COL23A1: variants seen among roughly 807,000 people sequenced by gnomAD.
The protein encoded by COL23A1 is collagen alpha-1(XXIII) chain.
In COL23A1, 97 loss-of-function variants were observed where a neutral mutation model predicts 99.3. That is an observed-to-expected ratio of 0.98 (90% CI 0.83 to 1.16). The LOEUF (loss-of-function observed/expected upper bound fraction) is 1.16. COL23A1 is among the 50% of genes most tolerant of loss of function. The pLI, the probability that COL23A1 is intolerant of heterozygous loss-of-function variation, is 0.00. For synonymous variants in COL23A1, 320 were observed against 308.2 expected (o/e 1.04, Z -0.40); for missense variants, 762 against 757.4 (o/e 1.01, Z -0.07).
rs140816227 is a variant in COL23A1 at position 178,576,599 on chromosome 5, G to A, written c.294+13305C>T. On this transcript the variant is annotated intron_variant, in intron 1 of 28. Coordinates refer to ENST00000390654, the MANE Select transcript of COL23A1 (RefSeq NM_173465.4). ...CCGCCCTCCAGGGTTCACCATGCTG[G>A]GCTGGCGCAGAGACCCATCCAGGCG... Among the ~76,000 whole-genome samples, 18 of 152,310 alleles carry A rather than the reference G, an allele frequency of 1.2e-4. No individual in the cohort carries two copies. In the East Asian group the frequency reaches 3.1e-3, roughly 26 times the overall value.
chr5:178,549,001 C>T (rs868196990), intron 2 of COL23A1, among the ~76,000 whole-genome samples: 2 of 152,008 alleles, frequency 1.3e-5, no homozygotes, highest in Middle Eastern at 3.4e-3. Flanking sequence ...CATACAAATA[C>T]TTCTTTTTTT....
intron 2 of COL23A1, among the ~76,000 whole-genome samples, chr5:178,556,667 A>AAAATAAAATT (rs1367642868): frequency 4.0e-4 from 61 of 150,852 alleles, no homozygotes; most frequent in African/African-American, 1.5e-3. Flanking sequence ...AAAATAAAAT[A>AAAATAAAATT]AAAAAGCTGA....
chr5:178,407,651 C>A (rs902366670), intron 2 of COL23A1, among the ~76,000 whole-genome samples: 3 of 152,064 alleles, frequency 2.0e-5, no homozygotes, highest in African/African-American at 7.2e-5. Context: ...GAGGAACCAA[C>A]TGGAAATGTT....
At chr5:178,256,504 T>A in intron 14 of COL23A1, 107 bp from the exon 15 acceptor site, 1 of 1,074,340 alleles carries the variant, frequency 9.3e-7, no homozygotes, top group Non-Finnish European at 1.3e-6. Context: ...AGGGCCCGAG[T>A]GCTGGAACCC....
chr5:178,442,400 T>C (rs1766923038), intron 2 of COL23A1, among the ~76,000 whole-genome samples: 1 of 152,244 alleles, frequency 6.6e-6, no homozygotes, highest in Admixed American at 6.5e-5. Flanking sequence ...ATTTAAAATG[T>C]CATCATTTAA....
At chr5:178,239,598 C>G (rs4045767) in intron 27 of COL23A1, among the ~76,000 whole-genome samples, 8,651 of 68,750 alleles carry the variant, frequency 0.13, 976 homozygotes, top group East Asian at 0.38. Context: ...TGATGTGACA[C>G]TGACTCTGGC....
chr5:178,416,058 C>T (rs1220865616), intron 2 of COL23A1, among the ~76,000 whole-genome samples: 2 of 152,116 alleles, frequency 1.3e-5, no homozygotes, highest in Non-Finnish European at 2.9e-5. Flanking sequence ...ATCAGCTGCC[C>T]CAGTGCCATT....
chr5:178,287,354 TCCCCAGAGTTA>T (rs2127582653), intron 5 of COL23A1, among the ~76,000 whole-genome samples: 1 of 152,308 alleles, frequency 6.6e-6, no homozygotes, highest in East Asian at 1.9e-4. Context: ...AAGTCAATGT[TCCCCAGAGTTA>T]CCACCAAGTC....
At chr5:178,555,033 T>C (rs143680550) in intron 2 of COL23A1, among the ~76,000 whole-genome samples, 1 of 152,058 alleles carries the variant, frequency 6.6e-6, no homozygotes, top group African/African-American at 2.4e-5. Context: ...TACCACAGAC[T>C]GTGCGGCTTA....
intron 1 of COL23A1, among the ~76,000 whole-genome samples, chr5:178,567,400 G>A (rs1405329604): frequency 6.6e-6 from 1 of 152,184 alleles, no homozygotes; most frequent in African/African-American, 2.4e-5. Context: ...GTAAGGAAGT[G>A]CTTTACAAAG....
intron 2 of COL23A1, among the ~76,000 whole-genome samples, chr5:178,342,996 G>A (rs188917083): frequency 6.6e-6 from 1 of 152,202 alleles, no homozygotes; most frequent in East Asian, 1.9e-4. Flanking sequence ...AGGCCACAGG[G>A]GAGGAATAAT....
At chr5:178,537,341 A>G (rs1761029404) in intron 2 of COL23A1, among the ~76,000 whole-genome samples, 5 of 152,246 alleles carry the variant, frequency 3.3e-5, no homozygotes, top group Admixed American at 3.3e-4. Flanking sequence ...GCCAGAAGAA[A>G]GAGCTCCAGC....
At chr5:178,358,421 G>GTA (rs1561897765) in intron 2 of COL23A1, among the ~76,000 whole-genome samples, 5 of 145,822 alleles carry the variant, frequency 3.4e-5, no homozygotes, top group African/African-American at 1.3e-4. Flanking sequence ...ATGTGTATGT[G>GTA]TGTGTATGTG....
chr5:178,581,013 G>T (rs1389772884), intron 1 of COL23A1, among the ~76,000 whole-genome samples: 3 of 151,916 alleles, frequency 2.0e-5, no homozygotes, highest in African/African-American at 7.3e-5. Flanking sequence ...ATCTCAAAAA[G>T]AAATAAAGTT....
At chr5:178,361,373 G>A (rs1356721329) in intron 2 of COL23A1, among the ~76,000 whole-genome samples, 1 of 152,174 alleles carries the variant, frequency 6.6e-6, no homozygotes, top group Non-Finnish European at 1.5e-5. Flanking sequence ...GTCTTTGAGT[G>A]AATATTGGGT....
chr5:178,580,229 G>A (rs574951161), intron 1 of COL23A1, among the ~76,000 whole-genome samples: 72 of 152,158 alleles, frequency 4.7e-4, no homozygotes, highest in African/African-American at 1.7e-3. Context: ...TCCAGAGGCT[G>A]AGGCAGTAGA....
chr5:178,256,314 T>G, intron 15 of COL23A1, 39 bp downstream of exon 15: 1 of 1,541,052 alleles, frequency 6.5e-7, no homozygotes, highest in Non-Finnish European at 8.8e-7. Context: ...GGCCCCTAGA[T>G]CTCATCCCTG....
chr5:178,529,374 C>CGGTGTGGG (rs1368955800), intron 2 of COL23A1, among the ~76,000 whole-genome samples: 9 of 152,148 alleles, frequency 5.9e-5, no homozygotes, highest in African/African-American at 2.2e-4. Context: ...AGCCCAGAGT[C>CGGTGTGGG]AGTGTGGGAG....
At position 178,289,929 on chromosome 5, in the gene COL23A1, T is replaced by C. The variant is rs181338877; in HGVS notation, c.414+433A>G. ...ATTTTTTCCCCCCAAACACATGAGT[T>C]TTTGTTTTTGTGTTTGAGACGGGGT... On this transcript the variant is annotated intron_variant, in intron 4 of 28. Transcript: ENST00000390654. 5.5e-3 allele frequency among the ~76,000 whole-genome samples: 837 copies of C among 152,224 alleles called. 9 individuals carry two copies. The highest frequency in any genetic ancestry group is 0.018 in the African/African-American group (754 of 41,528).
Sources: gnomAD v4.1 joint callset for allele counts (sites outside exome capture counted in the v4.1 genomes callset) on GRCh38, gnomAD v4.1.1 for gene constraint, MANE v1.5 for transcripts, NCBI Gene and HGNC (gene_info 2026-07-23, HGNC 2026-07-21) for gene names.